The following CPNE4 variants were observed in gnomAD, a reference collection of about 807,000 sequenced individuals.
The protein encoded by CPNE4 is copine-4.
In CPNE4, 25 loss-of-function variants were observed where a neutral mutation model predicts 67.9. The observed-to-expected ratio is 0.37, with a 90% confidence interval of 0.27 to 0.51. The LOEUF (loss-of-function observed/expected upper bound fraction) is 0.51, where lower values mean the gene tolerates loss of function less well. Ranked by LOEUF, CPNE4 falls within the 20% of genes least tolerant of loss-of-function variation. The pLI is 0.93. For synonymous variants in CPNE4, 242 were observed against 244.9 expected (o/e 0.99, Z 0.11); for missense variants, 464 against 690.8 (o/e 0.67, Z 3.68).
chr3:131,966,011 TAACA>T (rs1375590504), intron 1 of CPNE4, among the ~76,000 whole-genome samples: 71 of 152,262 alleles, frequency 4.7e-4, no homozygotes, highest in Admixed American at 2.9e-3. Context: ...ATGGAAATCA[TAACA>T]AACAGTCTCT....
At chr3:131,946,613 T>A (rs1049282704) in intron 1 of CPNE4, among the ~76,000 whole-genome samples, 1 of 152,192 alleles carries the variant, frequency 6.6e-6, no homozygotes, top group Non-Finnish European at 1.5e-5. Flanking sequence ...TGTTGTTGAG[T>A]TGTGAGAGTT....
At chr3:131,789,611 T>G (rs2107875564) in intron 2 of CPNE4, among the ~76,000 whole-genome samples, 1 of 152,336 alleles carries the variant, frequency 6.6e-6, no homozygotes, top group African/African-American at 2.4e-5. Context: ...CAGTACATGC[T>G]GCACACTATG....
chr3:131,647,376 T>C (rs1231749736), intron 7 of CPNE4, among the ~76,000 whole-genome samples: 2 of 152,304 alleles, frequency 1.3e-5, no homozygotes, highest in Admixed American at 1.3e-4. Flanking sequence ...CCAAGAACTG[T>C]GTACCAGCTA....
intron 2 of CPNE4, among the ~76,000 whole-genome samples, chr3:131,874,094 C>CTT (rs11398327): frequency 6.4e-4 from 94 of 145,848 alleles, no homozygotes; most frequent in South Asian, 1.7e-3. Flanking sequence ...TGTTTCTTTT[C>CTT]TTTTTTTTTT....
Position 131,846,535 on chromosome 3 carries a change from C to A in CPNE4, c.180+58729G>T, listed in dbSNP as rs570412255. Among the ~76,000 whole-genome samples, 17 of 152,280 alleles carry A rather than the reference C, an allele frequency of 1.1e-4. No homozygotes were observed. In the South Asian group the frequency reaches 3.5e-3, roughly 32 times the overall value. ...TTCTTTGGCTGTTGATAGGGAAAAA[C>A]TGTCTCAAAATAGATGTAGTAAGAG... On this transcript the variant is annotated intron_variant, in intron 2 of 15. Transcript: ENST00000429747.
At chr3:131,814,694 T>A (rs984937404) in intron 2 of CPNE4, among the ~76,000 whole-genome samples, 2 of 123,358 alleles carry the variant, frequency 1.6e-5, no homozygotes, top group Admixed American at 1.7e-4. Flanking sequence ...AAGCTCCGCC[T>A]CCCGGGTTCA....
intron 7 of CPNE4, among the ~76,000 whole-genome samples, chr3:131,650,370 G>C (rs562638045): frequency 6.6e-6 from 1 of 152,186 alleles, no homozygotes; most frequent in African/African-American, 2.4e-5. Context: ...AGAGTTATAG[G>C]GGCCACCCTA....
intron 6 of CPNE4, among the ~76,000 whole-genome samples, chr3:131,677,561 T>A (rs921630726): frequency 6.6e-6 from 1 of 152,182 alleles, no homozygotes; most frequent in East Asian, 1.9e-4. Context: ...TTTTATAGTT[T>A]TGGGTTTTAC....
intron 2 of CPNE4, among the ~76,000 whole-genome samples, chr3:131,811,378 TA>T (rs554964674): frequency 6.6e-5 from 10 of 152,078 alleles, no homozygotes; most frequent in South Asian, 4.2e-4. Flanking sequence ...TAGAGTGGTT[TA>T]AAAAATATAT....
chr3:131,942,819 A>T (rs1032390162), intron 1 of CPNE4, among the ~76,000 whole-genome samples: 4 of 152,140 alleles, frequency 2.6e-5, no homozygotes, highest in Admixed American at 2.0e-4. Flanking sequence ...TCATCTGTAA[A>T]ATGATCTCTA....
intron 2 of CPNE4, among the ~76,000 whole-genome samples, chr3:131,749,269 G>A (rs577334689): frequency 1.3e-5 from 2 of 152,140 alleles, no homozygotes; most frequent in African/African-American, 2.4e-5. Context: ...TTCCTGTTAC[G>A]TTTCTGCTCT....
intron 11 of CPNE4, among the ~76,000 whole-genome samples, chr3:131,558,013 T>A (rs1282612456): frequency 2.0e-5 from 3 of 152,002 alleles, no homozygotes; most frequent in African/African-American, 2.4e-5. Context: ...CTAATCCCTA[T>A]GGTGTTCTAG....
rs572717742 is a variant in CPNE4 at position 131,834,999 on chromosome 3, G to A, written c.180+70265C>T. 8.5e-5 allele frequency among the ~76,000 whole-genome samples: 13 copies of A among 152,252 alleles called. 1 individual carries two copies. In the South Asian group the frequency reaches 2.7e-3, roughly 32 times the overall value. ...AATAAAAATAGAATGATAGCTTCAA[G>A]TTCCAGTCAGGATGGAATAAGCACA... On this transcript the variant is annotated intron_variant, in intron 2 of 15. Transcript: ENST00000429747.
chr3:131,535,297 C>T lies in CPNE4; in HGVS notation c.1572G>A (p.Leu524=), dbSNP rs1270847324. ...ASPAALAKSV[L]AEVPNQVVDY... ...CCACAACTTGGTTTGGGACTTCAGC[C>T]AGCACGCTCTTTGCCAGGGCAGCTG... Residue 524 remains leucine, a synonymous_variant, in exon 16 of 16, where the codon CTG becomes CTA. Transcript: ENST00000429747. 10 of 1,613,618 alleles carry T rather than the reference C, an allele frequency of 6.2e-6. No homozygotes were observed. Among genetic ancestry groups the T allele is most frequent in the South Asian group, 4.4e-5 (4 of 90,984 alleles).
chr3:131,557,225 A>G (rs373541274), intron 11 of CPNE4, among the ~76,000 whole-genome samples: 10 of 152,002 alleles, frequency 6.6e-5, no homozygotes, highest in African/African-American at 2.2e-4. Flanking sequence ...CATGTCATCT[A>G]CCTTTTATTT....
rs151100533 is a variant in CPNE4, at chr3:131,771,720, A to T, written c.181-48095T>A. Among the ~76,000 whole-genome samples the T allele has an allele frequency of 9.2e-4, 140 of 152,234 alleles. No homozygotes were observed. The Middle Eastern group carries it at 0.014, about 15-fold the overall frequency. ...CCAGCCTCAGGTATTCCTTTATAGC[A>T]ACACACAAACAGATTAAGACAGCCA... On this transcript the variant is annotated intron_variant, in intron 2 of 15. Coordinates refer to ENST00000429747, the MANE Select transcript of CPNE4 (RefSeq NM_130808.3).
At position 131,964,280 on chromosome 3, in the gene CPNE4, A is replaced by G. The variant is rs535845076; in HGVS notation, c.-1-58836T>C. Among the ~76,000 whole-genome samples the G allele has an allele frequency of 5.3e-5, 8 of 152,256 alleles. No individual in the cohort carries two copies. The East Asian group carries it at 1.2e-3, about 22-fold the overall frequency. On this transcript the variant is annotated intron_variant, in intron 1 of 15. Transcript: ENST00000429747. ...AAGATGAGGAAAAACTGGTCCAAAA[A>G]TGCTGAAAATTCCAAAAACCAGAAT...
intron 10 of CPNE4, among the ~76,000 whole-genome samples, chr3:131,569,661 A>AC (rs1441943961): frequency 5.3e-4 from 79 of 149,858 alleles, no homozygotes; most frequent in African/African-American, 1.6e-3. Flanking sequence ...AACAAAAAAA[A>AC]ACAAAAAAAA....
intron 2 of CPNE4, among the ~76,000 whole-genome samples, chr3:131,756,972 G>C (rs1393492987): frequency 6.6e-6 from 1 of 152,144 alleles, no homozygotes; most frequent in Non-Finnish European, 1.5e-5. Context: ...TGGAAGAAGT[G>C]CCTTTTGCCT....
Sources: allele counts gnomAD v4.1 joint callset (sites outside exome capture counted in the v4.1 genomes callset), GRCh38; gene constraint gnomAD v4.1.1; transcripts MANE v1.5; gene names NCBI Gene and HGNC (gene_info 2026-07-23, HGNC 2026-07-21).